Variants in CHRM2 observed in about 807,000 individuals in gnomAD.
CHRM2 encodes the protein cholinergic receptor muscarinic 2.
In CHRM2, 8 loss-of-function variants were observed where a neutral mutation model predicts 25.0. The observed-to-expected ratio is 0.32, with a 90% CI of 0.19 to 0.58. The LOEUF (loss-of-function observed/expected upper bound fraction) is 0.58, where lower values mean the gene tolerates loss of function less well. Among genes scored for constraint, CHRM2 ranks in the 20% least tolerant of loss-of-function variants. CHRM2 has a pLI of 0.88. For missense variants in CHRM2, 440 were observed against 567.1 expected (o/e 0.78, Z 2.28); for synonymous variants, 202 against 205.7 (o/e 0.98, Z 0.15).
intron 2 of CHRM2, among the ~76,000 whole-genome samples, chr7:136,947,239 G>C (rs73727441): frequency 0.019 from 2,953 of 152,022 alleles, 78 homozygotes; most frequent in African/African-American, 0.067. Context: ...ATTTTACATG[G>C]GAAAGTAGCA....
intron 2 of CHRM2, among the ~76,000 whole-genome samples, chr7:136,873,961 T>C (rs1489302967): frequency 6.6e-6 from 1 of 152,212 alleles, no homozygotes; most frequent in Non-Finnish European, 1.5e-5. Flanking sequence ...TACTAAGACA[T>C]TATTAAACAG....
At chr7:136,927,018 A>G (rs879931136) in intron 2 of CHRM2, among the ~76,000 whole-genome samples, 1 of 147,174 alleles carries the variant, frequency 6.8e-6, no homozygotes, top group African/African-American at 2.4e-5. Flanking sequence ...ATACCTTAGA[A>G]TATGCTAATA....
At position 137,015,639 on chromosome 7, in the gene CHRM2, C is replaced by A. The variant is rs762789853; in HGVS notation, c.774C>A (p.Asn258Lys). 7 of 1,612,972 alleles carry A rather than the reference C, an allele frequency of 4.3e-6. No homozygotes were observed. The highest frequency in any genetic ancestry group is 3.3e-5 in the South Asian group (3 of 91,058). Residue 258 changes from asparagine (N) to lysine (K), a missense_variant, in exon 4 of 4, where the codon AAC (asparagine) becomes AAA (lysine). Around this residue, in one of 5 missense-constraint regions of CHRM2, gnomAD observed 261 missense variants for 261.8 expected, o/e 1.00. Transcript: ENST00000680005. This position sits in a 1 kb window ranked among gnomAD's most constrained non-coding sequence, Gnocchi z 5.1. ...MPSSDDGLEH[N>K]KIQNGKAPRD... ...GCAGTGACGATGGCCTGGAGCACAA[C>A]AAAATCCAGAATGGCAAAGCCCCCA...
intron 2 of CHRM2, among the ~76,000 whole-genome samples, chr7:136,885,773 G>A (rs562812663): frequency 1.3e-5 from 2 of 152,226 alleles, no homozygotes; most frequent in South Asian, 4.1e-4. Flanking sequence ...GAATCACAGG[G>A]AAAAATTAGA....
At chr7:137,000,221 C>A (rs1163684002) in intron 3 of CHRM2, among the ~76,000 whole-genome samples, 29 of 84,528 alleles carry the variant, frequency 3.4e-4, no homozygotes, top group African/African-American at 1.2e-3. Context: ...TTTTTTCGGA[C>A]AGAGTCTCGC....
At chr7:136,944,090 A>C (rs1344374656) in intron 2 of CHRM2, among the ~76,000 whole-genome samples, 1 of 152,016 alleles carries the variant, frequency 6.6e-6, no homozygotes, top group Non-Finnish European at 1.5e-5. Flanking sequence ...TCATTTCTTT[A>C]TTTCAGTGGG....
intron 3 of CHRM2, among the ~76,000 whole-genome samples, chr7:137,005,764 A>C (rs1158240492): frequency 6.6e-6 from 1 of 152,122 alleles, no homozygotes; most frequent in Non-Finnish European, 1.5e-5. Context: ...AGTCCTAAAA[A>C]GCCTCAATTC....
chr7:136,917,666 A>G (rs1798197581), intron 2 of CHRM2, among the ~76,000 whole-genome samples: 2 of 152,044 alleles, frequency 1.3e-5, no homozygotes, highest in South Asian at 2.1e-4. Context: ...TTTAAACCCA[A>G]CTGCGAATCA....
intron 2 of CHRM2, chr7:136,870,831 G>A (rs1795799109): frequency 6.6e-6 from 1 of 152,400 alleles, no homozygotes; most frequent in East Asian, 1.9e-4. Context: ...CAGGCGCCGC[G>A]AGCCAAGAAG....
At chr7:136,965,160 T>C (rs1801333792) in intron 2 of CHRM2, among the ~76,000 whole-genome samples, 2 of 152,156 alleles carry the variant, frequency 1.3e-5, no homozygotes, top group African/African-American at 2.4e-5. Context: ...ATGGTGTTTA[T>C]GGTAACTTTT....
intron 2 of CHRM2, among the ~76,000 whole-genome samples, chr7:136,895,980 G>A (rs1046583289): frequency 4.6e-5 from 7 of 152,042 alleles, no homozygotes; most frequent in Admixed American, 1.3e-4. Context: ...TACTATTTAC[G>A]TTAAATATTT....
intron 2 of CHRM2, among the ~76,000 whole-genome samples, chr7:136,880,360 A>G (rs1300170675): frequency 6.6e-6 from 1 of 151,838 alleles, no homozygotes; most frequent in Non-Finnish European, 1.5e-5. Flanking sequence ...CCCTGCACCA[A>G]ATATTGGTCA....
chr7:136,962,413 G>A (rs1354617378), intron 2 of CHRM2, among the ~76,000 whole-genome samples: 1 of 152,202 alleles, frequency 6.6e-6, no homozygotes, highest in Non-Finnish European at 1.5e-5. Flanking sequence ...GGGATTACAG[G>A]TGTAAGCCAC....
intron 3 of CHRM2, among the ~76,000 whole-genome samples, chr7:137,003,065 T>G (rs1804156298): frequency 6.6e-6 from 1 of 152,110 alleles, no homozygotes; most frequent in Non-Finnish European, 1.5e-5. Context: ...GTTTCAGGTT[T>G]AACTCCAAAG....
chr7:136,881,476 A>T lies in CHRM2; in HGVS notation c.-125+12058A>T, dbSNP rs181131284. 1.2e-3 allele frequency among the ~76,000 whole-genome samples: 188 copies of T among 151,934 alleles called. 4 individuals are homozygous for T. Among genetic ancestry groups the T allele is most frequent in the South Asian group, 0.012 (59 of 4,808 alleles). On this transcript the variant is annotated intron_variant, in intron 2 of 3. Coordinates refer to ENST00000680005, the MANE Select transcript of CHRM2 (RefSeq NM_001006630.2). ...AAATATTTTTTCTTTTTGCTATTGT[A>T]TTATTTTATTCTTGTTCTGTATTTT...
At chr7:136,975,980 C>T (rs1352249606) in intron 2 of CHRM2, among the ~76,000 whole-genome samples, 1 of 152,012 alleles carries the variant, frequency 6.6e-6, no homozygotes, top group Non-Finnish European at 1.5e-5. Context: ...TGACACAGTG[C>T]TATGTTCAGA....
At chr7:136,949,804 A>T (rs148479562) in intron 2 of CHRM2, among the ~76,000 whole-genome samples, 2,431 of 151,164 alleles carry the variant, frequency 0.016, 31 homozygotes, top group Non-Finnish European at 0.022. Flanking sequence ...CAGTGGCGCG[A>T]TCTCGGCTCA....
At chr7:136,905,689 T>C (rs17495783) in intron 2 of CHRM2, among the ~76,000 whole-genome samples, 35,017 of 151,486 alleles carry the variant, frequency 0.23, 5,028 homozygotes, top group Non-Finnish European at 0.32. Context: ...TTATTTATTT[T>C]GATCTTCCAG....
intron 2 of CHRM2, among the ~76,000 whole-genome samples, chr7:136,957,276 TGTGC>T (rs1227401497): frequency 3.6e-4 from 52 of 145,270 alleles, no homozygotes; most frequent in African/African-American, 1.3e-3. Flanking sequence ...TGTGTGTGTG[TGTGC>T]ACATGCACAC....
Sources: allele counts gnomAD v4.1 joint callset (sites outside exome capture counted in the v4.1 genomes callset), GRCh38; gene constraint gnomAD v4.1.1; regional missense constraint gnomAD v4.1.1; non-coding constraint Gnocchi (gnomAD v3.1); transcripts MANE v1.5; gene names NCBI Gene and HGNC (gene_info 2026-07-23, HGNC 2026-07-21).